CDYL: variants seen among roughly 807,000 people sequenced by gnomAD.
CDYL encodes chromodomain Y-like protein.
A neutral mutation model predicts 47.3 loss-of-function variants in CDYL; 8 were observed. The ratio of observed to expected loss-of-function variants is 0.17; its 90% CI spans 0.10 to 0.31. The LOEUF (loss-of-function observed/expected upper bound fraction) is 0.31. CDYL is among the 10% of genes least tolerant of loss of function. The probability of loss-of-function intolerance (pLI) is 1.00; values close to 1 mark genes in which losing one functional copy is unlikely to be tolerated. For synonymous variants in CDYL, 266 were observed against 265.0 expected (o/e 1.00, Z -0.04); for missense variants, 471 against 701.4 (o/e 0.67, Z 3.71).
rs1220969716 is a variant in CDYL at position 4,788,480 on chromosome 6, C to CAAAAAAAAAAAAAAA, written c.24+11681_24+11695dup. 1.2e-3 allele frequency among the ~76,000 whole-genome samples: 71 copies of CAAAAAAAAAAAAAAA among 61,062 alleles called. 2 individuals are homozygous for CAAAAAAAAAAAAAAA. Among genetic ancestry groups the CAAAAAAAAAAAAAAA allele is most frequent in the African/African-American group, 4.7e-3 (63 of 13,538 alleles). The allele number at this position is 61,062 out of a possible 152,430, so 40.1% of individuals were successfully genotyped here. A position where few individuals can be genotyped will look rare whatever the true frequency, so the allele number is the denominator to read the frequency against. On this transcript the variant is annotated intron_variant, in intron 1 of 6. Coordinates refer to ENST00000397588, the MANE Select transcript of CDYL (RefSeq NM_004824.4). ...CCTGGGTGACAGAGTGAGACTCTGTCAAAAAAAAAAAAAAAAAAAAAAGGC... is the reference window on the plus strand; with the variant it reads ...CCTGGGTGACAGAGTGAGACTCTGTCAAAAAAAAAAAAAAAAAAAAAAAAAAAAAAAAAAAAAGGC...
intron 2 of CDYL, chr6:4,928,825 G>A (rs1311820426): frequency 2.0e-5 from 3 of 151,920 alleles, no homozygotes; most frequent in Non-Finnish European, 4.4e-5. Flanking sequence ...TTTTTCCAAA[G>A]AATAGCCATT....
intron 1 of CDYL, among the ~76,000 whole-genome samples, chr6:4,782,957 T>G (rs576576560): frequency 6.6e-6 from 1 of 152,378 alleles, no homozygotes; most frequent in African/African-American, 2.4e-5. Context: ...TGTCTAAAGA[T>G]AGTCAGTATT....
chr6:4,904,617 G>C (rs573989075), intron 2 of CDYL, among the ~76,000 whole-genome samples: 121 of 152,260 alleles, frequency 7.9e-4, no homozygotes, highest in African/African-American at 2.8e-3. Flanking sequence ...TTTAAGACTT[G>C]TTTGTGCTTA....
At chr6:4,725,449 G>A (rs1297232141) in intron 2 of CDYL, among the ~76,000 whole-genome samples, 1 of 152,238 alleles carries the variant, frequency 6.6e-6, no homozygotes, top group African/African-American at 2.4e-5. Context: ...CAGGCATGGC[G>A]GGCTGCAGGT....
intron 1 of CDYL, among the ~76,000 whole-genome samples, chr6:4,849,738 C>A (rs1323136127): frequency 6.6e-6 from 1 of 150,402 alleles, no homozygotes; most frequent in East Asian, 1.9e-4. Flanking sequence ...AAAATTCTTA[C>A]TTCTTTTGCA....
intron 1 of CDYL, chr6:4,714,128 CAG>C (rs1554131133): frequency 2.6e-5 from 4 of 151,976 alleles, no homozygotes; most frequent in Non-Finnish European, 4.4e-5. Context: ...TTCATCCACA[CAG>C]GGGAGGTTTG....
chr6:4,870,703 TTC>T (rs922308395), intron 1 of CDYL, among the ~76,000 whole-genome samples: 1 of 152,222 alleles, frequency 6.6e-6, no homozygotes, highest in Non-Finnish European at 1.5e-5. Context: ...ACATCTTTTT[TTC>T]TCTCTGTCTC....
chr6:4,768,579 T>C (rs1034511538), intron 3 of CDYL, among the ~76,000 whole-genome samples: 2 of 152,122 alleles, frequency 1.3e-5, no homozygotes, highest in Non-Finnish European at 2.9e-5. Context: ...TCAATTGATA[T>C]AAAAAATGAA....
intron 2 of CDYL, among the ~76,000 whole-genome samples, chr6:4,920,082 G>A (rs1170101957): frequency 2.6e-5 from 4 of 152,230 alleles, no homozygotes; most frequent in South Asian, 2.1e-4. Flanking sequence ...CATGGTGCTC[G>A]GTGACATAAG....
At chr6:4,945,033 C>T (rs112440980) in intron 5 of CDYL, among the ~76,000 whole-genome samples, 26 of 152,064 alleles carry the variant, frequency 1.7e-4, no homozygotes, top group African/African-American at 5.3e-4. Context: ...GCGCCAAGGT[C>T]GGAGAAGACG....
chr6:4,797,448 A>T (rs1296134988), intron 1 of CDYL, among the ~76,000 whole-genome samples: 2 of 142,036 alleles, frequency 1.4e-5, no homozygotes, highest in African/African-American at 2.6e-5. Flanking sequence ...TTTGAGATAT[A>T]GTTCACATAC....
intron 1 of CDYL, among the ~76,000 whole-genome samples, chr6:4,711,919 G>C (rs1049117443): frequency 6.6e-6 from 1 of 152,104 alleles, no homozygotes; most frequent in African/African-American, 2.4e-5. Flanking sequence ...ACAAAAATTA[G>C]CGCGGTGTGG....
At chr6:4,807,502 T>C (rs1037459837) in intron 1 of CDYL, among the ~76,000 whole-genome samples, 2 of 151,962 alleles carry the variant, frequency 1.3e-5, no homozygotes, top group Non-Finnish European at 2.9e-5. Flanking sequence ...TAATGGTGAT[T>C]GTCTGTTCCT....
At chr6:4,878,793 T>G (rs1761685380) in intron 1 of CDYL, among the ~76,000 whole-genome samples, 2 of 152,136 alleles carry the variant, frequency 1.3e-5, no homozygotes, top group African/African-American at 4.8e-5. Context: ...ATTTCCTTAT[T>G]TCTACTAGTT....
chr6:4,767,609 A>AG (rs1758275954), intron 3 of CDYL, among the ~76,000 whole-genome samples: 1 of 146,484 alleles, frequency 6.8e-6, no homozygotes, highest in South Asian at 2.4e-4. Flanking sequence ...AGGGGAGGGG[A>AG]GGGGAGCAGA....
intron 1 of CDYL, among the ~76,000 whole-genome samples, chr6:4,851,366 G>T (rs1760820934): frequency 6.6e-6 from 1 of 152,216 alleles, no homozygotes; most frequent in South Asian, 2.1e-4. Flanking sequence ...CTGAAGGATT[G>T]TCAGAAAAGA....
At position 4,818,763 on chromosome 6, in the gene CDYL, G is replaced by A. The variant is rs116250539; in HGVS notation, c.24+41956G>A. Among the ~76,000 whole-genome samples, 1,082 of 152,300 alleles carry A rather than the reference G, an allele frequency of 7.1e-3. 13 individuals are homozygous for A. Among genetic ancestry groups the A allele is most frequent in the African/African-American group, 0.025 (1,045 of 41,560 alleles). On this transcript the variant is annotated intron_variant, in intron 1 of 6. Coordinates refer to ENST00000397588, the MANE Select transcript of CDYL (RefSeq NM_004824.4). ...GCTAAATGGGTAAGGTGTGAAAGCT[G>A]ACTCTGACCACAATTGCTTAGCATG... is the stretch of plus-strand genomic sequence containing the variant.
intron 1 of CDYL, among the ~76,000 whole-genome samples, chr6:4,855,979 C>A (rs1760995324): frequency 6.6e-6 from 1 of 152,164 alleles, no homozygotes; most frequent in South Asian, 2.1e-4. Flanking sequence ...TAAATGCATA[C>A]CCCAGGCAGT....
At chr6:4,867,061 T>C (rs1761343526) in intron 1 of CDYL, among the ~76,000 whole-genome samples, 1 of 152,122 alleles carries the variant, frequency 6.6e-6, no homozygotes, top group South Asian at 2.1e-4. Flanking sequence ...AATTAGAATA[T>C]TTTGCCATTA....
Sources: allele counts gnomAD v4.1 joint callset (sites outside exome capture counted in the v4.1 genomes callset), GRCh38; gene constraint gnomAD v4.1.1; transcripts MANE v1.5; gene names NCBI Gene and HGNC (gene_info 2026-07-23, HGNC 2026-07-21).